Variants in ITIH6 observed in about 807,000 individuals in gnomAD.
ITIH6 encodes inter-alpha-trypsin inhibitor heavy chain H6.
ITIH6 carries 60 observed loss-of-function variants against 58.2 expected under a neutral mutation model. The observed-to-expected ratio is 1.03, with a 90% CI of 0.84 to 1.28. ITIH6 has a LOEUF of 1.28. Ranked by LOEUF, ITIH6 falls within the 50% of genes most tolerant of loss-of-function variation. The pLI is 0.00. For synonymous variants in ITIH6, 493 were observed against 417.4 expected (o/e 1.18, Z -2.21); for missense variants, 1,290 against 1,021.1 (o/e 1.26, Z -3.59).
rs1054906984 is a variant in ITIH6 at position 54,749,651 on chromosome X, A to G, written c.*244T>C. 4.2e-5 allele frequency: 14 copies of G among 331,486 alleles called. No homozygotes were observed. Among genetic ancestry groups the G allele is most frequent in the Admixed American group, 1.1e-4 (2 of 18,433 alleles). 27.3% of individuals were successfully genotyped at this position (331,486 alleles called of 1,213,427 possible). A position where few individuals can be genotyped will look rare whatever the true frequency, so the allele number is the denominator to read the frequency against. ...GTGGCTTGTAGGGCTGGTGAGGAGC[A>G]TGGATTTGGAGAGGGTGAGACTGGA... On this transcript the variant is annotated 3_prime_UTR_variant, in exon 13 of 13. Coordinates refer to ENST00000218436, the MANE Select transcript of ITIH6 (RefSeq NM_198510.3).
At position 54,751,096 on chromosome X, in the gene ITIH6, G is replaced by A. The variant is rs781390419; in HGVS notation, c.3637C>T (p.Arg1213Cys). Reference protein sequence around the residue: ...PYLEFLVLRHRYRHPSTLQLP... With the variant: ...PYLEFLVLRHCYRHPSTLQLP... Reference sequence around the variant, plus strand: ...TGCAGGGTACTGGGATGCCTGTAGCGGTGTCGGAGGACTAGGAACTCAAGG... The same window carrying A: ...TGCAGGGTACTGGGATGCCTGTAGCAGTGTCGGAGGACTAGGAACTCAAGG... The change falls in exon 12 of 13, where the codon CGC becomes TGC. Residue 1213 changes from arginine to cysteine, a missense_variant. Physicochemically the swap from Arg to Cys is radical, Grantham distance 180. Transcript: ENST00000218436. 2.9e-5 allele frequency: 35 copies of A among 1,203,861 alleles called. No homozygotes were observed. Among genetic ancestry groups the A allele is most frequent in the Middle Eastern group, 2.3e-4 (1 of 4,369 alleles).
chrX:54,763,524 C>T (rs1015818398), intron 6 of ITIH6, among the ~76,000 whole-genome samples: 16 of 112,070 alleles, frequency 1.4e-4, no homozygotes, highest in Non-Finnish European at 2.4e-4. Flanking sequence ...ATACTTGGTA[C>T]AATTTATATT....
rs1928306707 is a variant in ITIH6 at position 54,749,504 on chromosome X, G to A, written c.*391C>T. 7.2e-6 allele frequency: 1 copy of A among 138,009 alleles called. No individual in the cohort carries two copies. The highest frequency in any genetic ancestry group is 3.1e-5 in the African/African-American group (1 of 31,950). The allele number at this position is 138,009 out of a possible 1,213,427, so 11.4% of individuals were successfully genotyped here. A position where few individuals can be genotyped will look rare whatever the true frequency, so the allele number is the denominator to read the frequency against. On this transcript the variant is annotated 3_prime_UTR_variant, in exon 13 of 13. Coordinates refer to ENST00000218436, the MANE Select transcript of ITIH6 (RefSeq NM_198510.3). The stretch of plus-strand genomic sequence containing the variant: ...GTTTCATGCAGAAGGAAAAGCACAT[G>A]CAATGGTCCAGTGGTAGGAGTGAGC...
At position 54,751,049 on chromosome X, in the gene ITIH6, G is replaced by A. The variant is rs201473014; in HGVS notation, c.3684C>T (p.Tyr1228=). The A allele has an allele frequency of 7.1e-5, 84 of 1,186,767 alleles. No homozygotes were observed. In the East Asian group the frequency reaches 1.4e-3, roughly 19 times the overall value. ...STLQLPHLGF[Y]VANGSGLSPS... is the part of the protein sequence containing the mutation. ...GGCTGAGGCCTGAGCCATTGGCCACGTAGAACCCCAGGTGGGGTAGTTGCA... is the reference window on the plus strand; with the variant it reads ...GGCTGAGGCCTGAGCCATTGGCCACATAGAACCCCAGGTGGGGTAGTTGCA... The change falls in exon 12 of 13, where the codon TAC becomes TAT. Residue 1228 remains tyrosine (Y), a synonymous_variant. Transcript: ENST00000218436.
intron 9 of ITIH6, among the ~76,000 whole-genome samples, chrX:54,754,643 C>G (rs1928449691): frequency 9.0e-6 from 1 of 111,355 alleles, no homozygotes; most frequent in Admixed American, 9.5e-5. Context: ...CCTCTTGCAG[C>G]TGAGAGCGAT....
chrX:54,788,452 C>G (rs1417354941), intron 5 of ITIH6, 28 bp downstream of exon 5: 1 of 1,189,182 alleles, frequency 8.4e-7, no homozygotes, highest in Non-Finnish European at 1.1e-6. Context: ...AGAGCCCATC[C>G]TCTCTCCTCT....
Position 54,759,011 on chromosome X carries a change from T to A in ITIH6, c.1076-13A>T, listed in dbSNP as rs901339511. 2 of 1,106,774 alleles carry A rather than the reference T, an allele frequency of 1.8e-6. No individual in the cohort carries two copies. Among genetic ancestry groups the A allele is most frequent in the South Asian group, 2.2e-5 (1 of 45,526 alleles). 91.2% of individuals were successfully genotyped at this position (1,106,774 alleles called of 1,213,427 possible). ...TTGACGTCTGTCCCTAATTGGGGAA[T>A]AGATTGTGAGACCATCTTCTCTGGT... On this transcript the variant is annotated splice_polypyrimidine_tract_variant and intron_variant, in intron 7 of 12. Transcript: ENST00000218436.
intron 6 of ITIH6, among the ~76,000 whole-genome samples, chrX:54,767,036 G>A (rs1453008919): frequency 3.2e-4 from 35 of 110,615 alleles, no homozygotes; most frequent in African/African-American, 1.1e-3. Context: ...TTTTTGGTTG[G>A]TAAACTATTG....
intron 4 of ITIH6, among the ~76,000 whole-genome samples, chrX:54,790,532 C>T (rs1929325189): frequency 9.0e-6 from 1 of 111,630 alleles, no homozygotes; most frequent in Admixed American, 9.5e-5. Flanking sequence ...ACATGGTTAA[C>T]ATATGATTTA....
At chrX:54,750,639 T>G (rs1928333059) in intron 12 of ITIH6, among the ~76,000 whole-genome samples, 1 of 111,664 alleles carries the variant, frequency 9.0e-6, no homozygotes, top group Non-Finnish European at 1.9e-5. Flanking sequence ...GGCATTCAAC[T>G]CTGACCACTC....
At chrX:54,779,064 AAG>A (rs1358517775) in intron 5 of ITIH6, among the ~76,000 whole-genome samples, 2 of 112,252 alleles carry the variant, frequency 1.8e-5, no homozygotes, top group Non-Finnish European at 3.8e-5. Flanking sequence ...AAGAGAAATA[AAG>A]AGTTTCCCAG....
Position 54,797,022 on chromosome X carries a change from C to T in ITIH6, c.177G>A (p.Leu59=). The part of the protein sequence containing the change: ...RYAHTLVTSV[L]FNPHAEAHEA... ...CATGGGCTTCAGCATGTGGATTAAA[C>T]AGGACAGAGGTGACCAAGGTGTGGG... is the stretch of plus-strand genomic sequence containing the variant. Residue 59 remains leucine, a synonymous_variant, in exon 2 of 13, where the codon CTG becomes CTA. Transcript: ENST00000218436. The T allele has an allele frequency of 8.3e-7, 1 of 1,210,643 alleles. No homozygotes were observed. The highest frequency in any genetic ancestry group is 1.1e-6 in the Non-Finnish European group (1 of 894,458).
At chrX:54,755,181 G>A in intron 8 of ITIH6, 72 bp from the exon 9 acceptor site, 2 of 949,301 alleles carry the variant, frequency 2.1e-6, no homozygotes, top group Non-Finnish European at 3.0e-6. Flanking sequence ...TTCTGACAAG[G>A]AGAGCCCTCA....
At chrX:54,763,397 C>G (rs763930905) in intron 6 of ITIH6, among the ~76,000 whole-genome samples, 25 of 111,722 alleles carry the variant, frequency 2.2e-4, no homozygotes, top group Non-Finnish European at 4.0e-4. Context: ...AAGTCAGAAC[C>G]TCTTGTTGAC....
chrX:54,761,260 C>A (rs1602053511), intron 6 of ITIH6, among the ~76,000 whole-genome samples: 1 of 112,082 alleles, frequency 8.9e-6, no homozygotes, highest in East Asian at 2.8e-4. Context: ...CTGTTCATAT[C>A]CTTCACCCAC....
chrX:54,792,792 T>C (rs759426950), intron 2 of ITIH6, among the ~76,000 whole-genome samples: 1 of 111,913 alleles, frequency 8.9e-6, no homozygotes, highest in Non-Finnish European at 1.9e-5. Context: ...GCCCAAGTCT[T>C]CAGGAAAGGG....
At chrX:54,754,867 G>T (rs1928455027) in intron 9 of ITIH6, 150 bp downstream of exon 9, 5 of 454,694 alleles carry the variant, frequency 1.1e-5, no homozygotes, top group Non-Finnish European at 1.5e-5. Context: ...AATTGGTGTT[G>T]TTTTAAGCTA....
chrX:54,788,077 T>C (rs1929273290), intron 5 of ITIH6, among the ~76,000 whole-genome samples: 1 of 111,304 alleles, frequency 9.0e-6, no homozygotes, highest in South Asian at 3.8e-4. Flanking sequence ...ACTGAAGCAA[T>C]AAGGATTGTT....
rs755701414 is a variant in ITIH6 at position 54,791,118 on chromosome X, A to G, written c.369-34T>C. On this transcript the variant is annotated intron_variant, in intron 3 of 12. Coordinates refer to ENST00000218436, the MANE Select transcript of ITIH6 (RefSeq NM_198510.3). Reference sequence around the variant, plus strand: ...GAAAGGGAGGATGGTGGGAAGAGAAAGGGACCTTCAGAGGAGTACAGGGGC... The same window carrying G: ...GAAAGGGAGGATGGTGGGAAGAGAAGGGGACCTTCAGAGGAGTACAGGGGC... 5.0e-6 allele frequency: 6 copies of G among 1,199,222 alleles called. No homozygotes were observed. In the African/African-American group the frequency reaches 1.1e-4, roughly 21 times the overall value.
Sources: gnomAD v4.1 joint callset for allele counts (sites outside exome capture counted in the v4.1 genomes callset) on GRCh38, gnomAD v4.1.1 for gene constraint, MANE v1.5 for transcripts, NCBI Gene and HGNC (gene_info 2026-07-23, HGNC 2026-07-21) for gene names.